The following IFT74 variants were observed in gnomAD, a reference collection of about 807,000 sequenced individuals.
The protein encoded by IFT74 is intraflagellar transport 74, also known as intraflagellar transport protein 74 homolog.
In IFT74, 92 loss-of-function variants were observed where a neutral mutation model predicts 96.7. That is an observed-to-expected ratio of 0.95 (90% CI 0.80 to 1.13). IFT74 has a LOEUF of 1.13. Among genes scored for constraint, IFT74 ranks in the 50% most tolerant of loss-of-function variants. The probability of loss-of-function intolerance (pLI) is 0.00; values close to 1 mark genes in which losing one functional copy is unlikely to be tolerated. For synonymous variants in IFT74, 223 were observed against 213.2 expected (o/e 1.05, Z -0.40); for missense variants, 811 against 698.2 (o/e 1.16, Z -1.82).
intron 13 of IFT74, among the ~76,000 whole-genome samples, chr9:27,039,576 A>G (rs1266065026): frequency 2.0e-5 from 3 of 152,204 alleles, no homozygotes; most frequent in Admixed American, 2.0e-4. Context: ...TTGCTGATGT[A>G]TACTGTGTAG....
intron 2 of IFT74, among the ~76,000 whole-genome samples, chr9:26,971,996 A>G (rs568526409): frequency 6.6e-6 from 1 of 152,224 alleles, no homozygotes; most frequent in East Asian, 1.9e-4. Flanking sequence ...AATACCCATT[A>G]TGTCTTTTCT....
At chr9:27,021,952 G>A (rs570709462) in intron 12 of IFT74, among the ~76,000 whole-genome samples, 41 of 152,252 alleles carry the variant, frequency 2.7e-4, no homozygotes, top group Admixed American at 1.2e-3. Flanking sequence ...TCTAGAATTT[G>A]TATGGGTTTA....
intron 1 of IFT74, 36 bp from the exon 2 acceptor site, chr9:26,961,913 C>A (rs1826380176): frequency 1.2e-5 from 20 of 1,606,946 alleles, no homozygotes; most frequent in Non-Finnish European, 1.6e-5. Flanking sequence ...CTAGAGAAGA[C>A]ATCAAAGGAT....
chr9:26,965,754 C>T (rs1380684357), intron 2 of IFT74, among the ~76,000 whole-genome samples: 2 of 152,014 alleles, frequency 1.3e-5, no homozygotes, highest in African/African-American at 2.4e-5. Context: ...ACACTGTACC[C>T]AATATGTAAT....
intron 2 of IFT74, among the ~76,000 whole-genome samples, chr9:26,965,331 C>T (rs539281642): frequency 2.6e-5 from 4 of 152,132 alleles, no homozygotes; most frequent in African/African-American, 4.8e-5. Flanking sequence ...TAAGTGCAAA[C>T]TACAGATAAT....
In IFT74 at chr9:26,983,182, C is replaced by G. The variant is rs182044021; in HGVS notation, c.306-1075C>G. ...AATAAAGAAAAGTATGGTTTCCCCC[C>G]ATCTGTTCTCAAAGCTAAGAGTAGT... is the stretch of plus-strand genomic sequence containing the variant. On this transcript the variant is annotated intron_variant, in intron 4 of 19. Coordinates refer to ENST00000380062, the MANE Select transcript of IFT74 (RefSeq NM_025103.4). 1.1e-3 allele frequency among the ~76,000 whole-genome samples: 168 copies of G among 152,312 alleles called. 1 individual carries two copies. The highest frequency in any genetic ancestry group is 3.7e-3 in the African/African-American group (155 of 41,564).
intron 1 of IFT74, among the ~76,000 whole-genome samples, chr9:26,948,910 C>A (rs933270639): frequency 6.6e-6 from 1 of 152,204 alleles, no homozygotes; most frequent in African/African-American, 2.4e-5. Flanking sequence ...ATGCTGTATG[C>A]TCTCCATGTC....
intron 16 of IFT74, among the ~76,000 whole-genome samples, chr9:27,048,716 C>T (rs181470834): frequency 2.0e-5 from 3 of 152,190 alleles, no homozygotes; most frequent in South Asian, 4.1e-4. Context: ...GCTGGTTAGG[C>T]CAGCTGTGTC....
chr9:27,050,776 C>T (rs1486146486), intron 16 of IFT74, among the ~76,000 whole-genome samples: 2 of 151,420 alleles, frequency 1.3e-5, no homozygotes, highest in Non-Finnish European at 2.9e-5. Flanking sequence ...AGGAGGTATA[C>T]CTAATGTAAA....
intron 2 of IFT74, among the ~76,000 whole-genome samples, chr9:26,969,911 A>G (rs1384784376): frequency 1.3e-5 from 2 of 152,062 alleles, no homozygotes; most frequent in African/African-American, 4.8e-5. Context: ...TTCATTTATG[A>G]ATCTTATCCT....
intron 18 of IFT74, among the ~76,000 whole-genome samples, chr9:27,058,090 C>T (rs542768168): frequency 1.3e-5 from 2 of 151,020 alleles, no homozygotes; most frequent in East Asian, 3.9e-4. Flanking sequence ...TTTTTTCAGC[C>T]TTCTTTTTTT....
intron 13 of IFT74, among the ~76,000 whole-genome samples, chr9:27,039,544 TAAAAC>T (rs973840140): frequency 5.3e-5 from 8 of 152,238 alleles, no homozygotes; most frequent in Admixed American, 6.5e-5. Flanking sequence ...AAAATAAAAA[TAAAAC>T]AAAAAGTGTT....
intron 1 of IFT74, among the ~76,000 whole-genome samples, chr9:26,948,339 T>C (rs1311856881): frequency 6.6e-6 from 1 of 152,030 alleles, no homozygotes; most frequent in Admixed American, 6.6e-5. Context: ...TCTCTGGCCT[T>C]TCTACCCCTT....
At chr9:26,978,104 A>G in intron 2 of IFT74, 24 bp from the exon 3 acceptor site, 1 of 1,551,854 alleles carries the variant, frequency 6.4e-7, no homozygotes. Context: ...GTTTACTAAA[A>G]ATGAAATCTT....
intron 13 of IFT74, among the ~76,000 whole-genome samples, chr9:27,039,896 G>C (rs1217740405): frequency 6.6e-6 from 1 of 152,092 alleles, no homozygotes; most frequent in East Asian, 1.9e-4. Flanking sequence ...CTGTAATAAT[G>C]GTATGTGAAA....
At chr9:26,988,204 A>C (rs1020255874) in intron 6 of IFT74, among the ~76,000 whole-genome samples, 10 of 152,108 alleles carry the variant, frequency 6.6e-5, no homozygotes, top group African/African-American at 2.4e-4. Context: ...CGCCCGCGTC[A>C]GCCTCCCAAA....
At chr9:27,002,871 G>A (rs890741379) in intron 8 of IFT74, among the ~76,000 whole-genome samples, 3 of 151,774 alleles carry the variant, frequency 2.0e-5, no homozygotes, top group African/African-American at 7.3e-5. Flanking sequence ...TCAGTAAATT[G>A]CTTTGGTTAG....
intron 18 of IFT74, among the ~76,000 whole-genome samples, chr9:27,057,693 C>T (rs1320537686): frequency 6.6e-6 from 1 of 151,986 alleles, no homozygotes; most frequent in East Asian, 1.9e-4. Context: ...CCCGTCTCTA[C>T]TAAAAATACA....
rs539252707 is a variant in IFT74, at chr9:27,031,549, A to G, written c.1054+2445A>G. Among the ~76,000 whole-genome samples, 371 of 151,070 alleles carry G rather than the reference A, an allele frequency of 2.5e-3. 2 individuals are homozygous for G. Among genetic ancestry groups the G allele is most frequent in the African/African-American group, 8.7e-3 (360 of 41,286 alleles). ...TCTTATATTGAAGTCCTTCAGAGTAAATAGTTTCTTCGACCACTTAGCTGA... is the reference window on the plus strand; with the variant it reads ...TCTTATATTGAAGTCCTTCAGAGTAGATAGTTTCTTCGACCACTTAGCTGA... On this transcript the variant is annotated intron_variant, in intron 13 of 19. Coordinates refer to ENST00000380062, the MANE Select transcript of IFT74 (RefSeq NM_025103.4).
Sources: allele counts gnomAD v4.1 joint callset (sites outside exome capture counted in the v4.1 genomes callset), GRCh38; gene constraint gnomAD v4.1.1; transcripts MANE v1.5; gene names NCBI Gene and HGNC (gene_info 2026-07-23, HGNC 2026-07-21).